Variants in ELAVL2 observed in about 807,000 individuals in gnomAD.
ELAVL2 encodes ELAV like RNA binding protein 2.
ELAVL2 carries 4 observed loss-of-function variants against 34.6 expected under a neutral mutation model. That is an observed-to-expected ratio of 0.12 (90% CI 0.06 to 0.26). The LOEUF (loss-of-function observed/expected upper bound fraction) is 0.26. Among genes scored for constraint, ELAVL2 ranks in the 10% least tolerant of loss-of-function variants. ELAVL2 has a pLI of 1.00. For missense variants in ELAVL2, 432 were observed against 442.8 expected, an observed-to-expected ratio of 0.98 and a Z score of 0.22; for synonymous variants, 193 against 154.8, an observed-to-expected ratio of 1.25 and a Z score of -1.83.
intron 5 of ELAVL2, 142 bp downstream of exon 5, chr9:23,701,237 T>G: frequency 3.5e-6 from 3 of 858,464 alleles, no homozygotes; most frequent in Non-Finnish European, 5.6e-6. Flanking sequence ...TCTGTGCCCA[T>G]GGAGATGAAA....
chr9:23,732,090 A>G (rs915957334), intron 2 of ELAVL2, among the ~76,000 whole-genome samples: 6 of 152,250 alleles, frequency 3.9e-5, no homozygotes, highest in African/African-American at 7.2e-5. Context: ...AGAAAAGTTT[A>G]GTCTACAAAA....
chr9:23,833,090 A>G, the ELAVL2 span, among the ~76,000 whole-genome samples: 1 of 151,976 alleles, frequency 6.6e-6, no homozygotes, highest in East Asian at 1.9e-4. Context: ...ATTTAAGTGT[A>G]TGGATGAATT....
chr9:23,806,401 C>T (rs754565536), intron 1 of ELAVL2, among the ~76,000 whole-genome samples: 1 of 151,976 alleles, frequency 6.6e-6, no homozygotes, highest in African/African-American at 2.4e-5. Context: ...TTTGGAAGTC[C>T]AAAGCAGAAG....
intron 3 of ELAVL2, among the ~76,000 whole-genome samples, chr9:23,725,482 A>T (rs1265152860): frequency 6.6e-6 from 1 of 152,194 alleles, no homozygotes; most frequent in Non-Finnish European, 1.5e-5. Flanking sequence ...ACTGGGTGGC[A>T]AGCCCTTAGC....
chr9:23,692,696 T>C lies in ELAVL2; in HGVS notation c.941A>G (p.Asn314Ser). The change falls in exon 7 of 7, where the codon AAT becomes AGT. Residue 314 changes from asparagine to serine, a missense_variant. By Grantham distance (46) the Asn-to-Ser change is conservative (BLOSUM62 1). This residue lies in a region of ELAVL2 where 295 missense variants were observed against 306.1 expected (regional missense o/e 0.96). Transcript: ENST00000397312. ...NVKVIRDFNTNKCKGFGFVTM... is the reference protein window; with the variant it reads ...NVKVIRDFNTSKCKGFGFVTM... The stretch of plus-strand genomic sequence containing the variant: ...CACAAATCCAAAACCTTTGCATTTA[T>C]TGGTGTTAAAGTCACGGATGACCTT... 1 of 1,614,218 alleles carries C rather than the reference T, an allele frequency of 6.2e-7. No homozygotes were observed. The highest frequency in any genetic ancestry group is 1.1e-5 in the South Asian group (1 of 91,090).
At chr9:23,840,641 T>A in the ELAVL2 span, among the ~76,000 whole-genome samples, 1 of 152,152 alleles carries the variant, frequency 6.6e-6, no homozygotes, top group African/African-American at 2.4e-5. Flanking sequence ...TGCTATGAGG[T>A]CACAGAATAA....
chr9:23,774,074 G>A (rs1246636540), intron 1 of ELAVL2, among the ~76,000 whole-genome samples: 1 of 151,736 alleles, frequency 6.6e-6, no homozygotes, highest in African/African-American at 2.4e-5. Flanking sequence ...AGCCGGACTT[G>A]GTGGCGGGCG....
At chr9:23,747,926 A>T (rs2050909304) in intron 2 of ELAVL2, among the ~76,000 whole-genome samples, 1 of 152,000 alleles carries the variant, frequency 6.6e-6, no homozygotes, top group African/African-American at 2.4e-5. Context: ...TTTTTTTTTA[A>T]AAAAAGGACT....
chr9:23,808,330 T>G (rs2062520953), intron 1 of ELAVL2, among the ~76,000 whole-genome samples: 2 of 152,160 alleles, frequency 1.3e-5, no homozygotes, highest in African/African-American at 4.8e-5. Context: ...CTAAGTTTCA[T>G]ATCAGCAGGG....
At chr9:23,726,237 A>G (rs1156490358) in intron 3 of ELAVL2, among the ~76,000 whole-genome samples, 1 of 152,132 alleles carries the variant, frequency 6.6e-6, no homozygotes, top group Non-Finnish European at 1.5e-5. Context: ...AAAATAGATA[A>G]TACTATTTAT....
At chr9:23,769,104 G>T (rs1471887943) in intron 1 of ELAVL2, among the ~76,000 whole-genome samples, 1 of 152,086 alleles carries the variant, frequency 6.6e-6, no homozygotes, top group Non-Finnish European at 1.5e-5. Flanking sequence ...CCAGTACAAA[G>T]GCCTTCCTTC....
At chr9:23,811,647 A>G (rs2063019136) in intron 1 of ELAVL2, among the ~76,000 whole-genome samples, 1 of 152,178 alleles carries the variant, frequency 6.6e-6, no homozygotes, top group Non-Finnish European at 1.5e-5. Context: ...TAAATGTTAT[A>G]CCCAGAGGAG....
At chr9:23,759,370 C>A (rs12057071) in intron 2 of ELAVL2, among the ~76,000 whole-genome samples, 19,219 of 151,318 alleles carry the variant, frequency 0.13, 1,341 homozygotes, top group East Asian at 0.24. Flanking sequence ...TCATTGGAGG[C>A]GAGAGCAGAA....
At chr9:23,761,813 C>T (rs1365243340) in intron 2 of ELAVL2, among the ~76,000 whole-genome samples, 193 bp downstream of exon 2, 4 of 151,988 alleles carry the variant, frequency 2.6e-5, no homozygotes, top group East Asian at 1.9e-4. Context: ...AAAATATATA[C>T]TGCCCCCAAA....
intron 1 of ELAVL2, among the ~76,000 whole-genome samples, chr9:23,777,891 G>C (rs993967645): frequency 3.9e-5 from 6 of 152,154 alleles, no homozygotes; most frequent in African/African-American, 9.7e-5. Flanking sequence ...GGAAACAAGT[G>C]AATCTTTTTT....
chr9:23,720,004 T>G (rs1437620553), intron 3 of ELAVL2, among the ~76,000 whole-genome samples: 1 of 151,780 alleles, frequency 6.6e-6, no homozygotes, highest in Non-Finnish European at 1.5e-5. Context: ...TTTTTGTATT[T>G]TAAGTAGAGA....
chr9:23,714,553 T>G (rs1456113556), intron 3 of ELAVL2, among the ~76,000 whole-genome samples: 1 of 152,216 alleles, frequency 6.6e-6, no homozygotes, highest in Non-Finnish European at 1.5e-5. Flanking sequence ...CCCCAAAATT[T>G]TATTTCTCCC....
chr9:23,770,999 G>T (rs953327991), intron 1 of ELAVL2, among the ~76,000 whole-genome samples: 2 of 152,110 alleles, frequency 1.3e-5, no homozygotes, highest in Non-Finnish European at 2.9e-5. Context: ...GGCCTTGAAG[G>T]CCACCATAAC....
chr9:23,722,338 T>G (rs534233543), intron 3 of ELAVL2, among the ~76,000 whole-genome samples: 1 of 152,240 alleles, frequency 6.6e-6, no homozygotes. Flanking sequence ...GTTACTACTA[T>G]AATAATAATT....
Sources: allele counts gnomAD v4.1 joint callset (sites outside exome capture counted in the v4.1 genomes callset), GRCh38; gene constraint gnomAD v4.1.1; regional missense constraint gnomAD v4.1.1; transcripts MANE v1.5; gene names NCBI Gene and HGNC (gene_info 2026-07-23, HGNC 2026-07-21).